BBS2: variants seen among roughly 807,000 people sequenced by gnomAD.
The protein encoded by BBS2 is BBSome complex member BBS2.
A neutral mutation model predicts 83.0 loss-of-function variants in BBS2; 62 were observed. The observed-to-expected ratio is 0.75, with a 90% CI of 0.61 to 0.92. The LOEUF (loss-of-function observed/expected upper bound fraction) is 0.92, where lower values mean the gene tolerates loss of function less well. Ranked by LOEUF, BBS2 falls within the 40% of genes least tolerant of loss-of-function variation. BBS2 has a pLI of 0.00. For synonymous variants in BBS2, 303 were observed against 326.1 expected (o/e 0.93, Z 0.76); for missense variants, 784 against 901.0 (o/e 0.87, Z 1.66).
At chr16:56,504,934 G>A (rs76389504) in intron 7 of BBS2, among the ~76,000 whole-genome samples, 1 of 152,166 alleles carries the variant, frequency 6.6e-6, no homozygotes, top group African/African-American at 2.4e-5. Context: ...CAGGATTAGT[G>A]CCCTATAAAA....
In BBS2 at chr16:56,476,185, T is replaced by G. The variant is rs746080062; in HGVS notation, c.*1-5490A>C. 6 of 1,612,004 alleles carry G rather than the reference T, an allele frequency of 3.7e-6. No individual in the cohort carries two copies. The African/African-American group carries it at 5.3e-5, about 14-fold the overall frequency. On this transcript the variant is annotated intron_variant, in intron 17 of 17. Coordinates refer to the BBS2 transcript ENST00000682047. ...AAACAGAACAGGTTTCTGGGACTTT[T>G]CATTCATCTATTATGAATGACAGCA...
At chr16:56,518,113 A>C (rs1317328666) in intron 1 of BBS2, among the ~76,000 whole-genome samples, 2 of 152,090 alleles carry the variant, frequency 1.3e-5, no homozygotes, top group Non-Finnish European at 2.9e-5. Context: ...CACTGCACCC[A>C]GCCTGTCAGT....
Position 56,506,042 on chromosome 16 carries a change from AAAGAAT to A in BBS2, c.718-12_718-7del. ...CTCATGGCATGATTTTTCGACTGAAAAAGAATTTTAATAATTAGCACAGAAGTCTCA... is the reference window on the plus strand; with the variant it reads ...CTCATGGCATGATTTTTCGACTGAAATTTAATAATTAGCACAGAAGTCTCA... On this transcript the variant is annotated splice_region_variant and splice_polypyrimidine_tract_variant and intron_variant, in intron 6 of 16. Transcript: ENST00000245157. 2 of 1,613,728 alleles carry A rather than the reference AAAGAAT, an allele frequency of 1.2e-6. No homozygotes were observed. Among genetic ancestry groups the A allele is most frequent in the Non-Finnish European group, 1.7e-6 (2 of 1,179,636 alleles).
At chr16:56,475,324 C>G (rs1963408658) in intron 17 of BBS2, among the ~76,000 whole-genome samples, 2 of 152,174 alleles carry the variant, frequency 1.3e-5, no homozygotes, top group African/African-American at 2.4e-5. Context: ...GGAAATTAGG[C>G]ATTTAGGGGA....
chr16:56,515,553 A>C (rs1176877803), intron 1 of BBS2, among the ~76,000 whole-genome samples: 9 of 152,224 alleles, frequency 5.9e-5, no homozygotes, highest in Admixed American at 3.9e-4. Flanking sequence ...GAGGATGAAA[A>C]ACACTGGACT....
chr16:56,497,184 C>T, intron 14 of BBS2, 105 bp from the exon 15 acceptor site: 1 of 813,994 alleles, frequency 1.2e-6, no homozygotes, highest in South Asian at 1.4e-5. Flanking sequence ...CCTTCTTTCC[C>T]CTGTTCGCTT....
In BBS2 at chr16:56,509,963, T is replaced by C; in HGVS notation, c.606A>G (p.Glu202=). 6.2e-7 allele frequency: 1 copy of C among 1,614,086 alleles called. No homozygotes were observed. The highest frequency in any genetic ancestry group is 8.5e-7 in the Non-Finnish European group (1 of 1,179,974). The change falls in exon 5 of 17, where the codon GAA becomes GAG. Residue 202 remains glutamate, a synonymous_variant. Coordinates refer to ENST00000245157, the MANE Select transcript of BBS2 (RefSeq NM_031885.5). ...TCGAGGTGGAGCTTCTTACCTCTGTTTCTGTCATTTCTGCCACAATCTCAT... is the reference window on the plus strand; with the variant it reads ...TCGAGGTGGAGCTTCTTACCTCTGTCTCTGTCATTTCTGCCACAATCTCAT... ...KEDEIVAEMT[E]TEIVTSLCPM... is the part of the protein sequence containing the mutation.
chr16:56,512,055 G>A (rs913352724), intron 2 of BBS2, among the ~76,000 whole-genome samples: 3 of 152,038 alleles, frequency 2.0e-5, no homozygotes, highest in Non-Finnish European at 2.9e-5. Context: ...GACACTTCAC[G>A]GAAGACACAT....
chr16:56,509,861 G>A (rs1008791500), intron 5 of BBS2, 96 bp downstream of exon 5: 1 of 1,315,664 alleles, frequency 7.6e-7, no homozygotes, highest in Non-Finnish European at 1.1e-6. Context: ...AACCACCTGG[G>A]TTTGGAGATG....
intron 12 of BBS2, chr16:56,499,506 C>CAGGAAATACT: frequency 2.5e-6 from 1 of 395,794 alleles, no homozygotes; most frequent in Non-Finnish European, 4.8e-6. Flanking sequence ...CCAGGACAAC[C>CAGGAAATACT]ACACTAAGAC....
chr16:56,519,226 G>A (rs536116057), intron 1 of BBS2, among the ~76,000 whole-genome samples: 1 of 151,526 alleles, frequency 6.6e-6, no homozygotes, highest in Non-Finnish European at 1.5e-5. Context: ...AGATACTCGG[G>A]AGGCTGAGGC....
chr16:56,516,417 G>C (rs1246844169), intron 1 of BBS2, among the ~76,000 whole-genome samples: 1 of 152,144 alleles, frequency 6.6e-6, no homozygotes, highest in Non-Finnish European at 1.5e-5. Flanking sequence ...TGTTTTTTGA[G>C]ACGGAGTCTT....
At chr16:56,481,220 T>C (rs1444384357), downstream of BBS2, among the ~76,000 whole-genome samples, 1 of 152,094 alleles carries the variant, frequency 6.6e-6, no homozygotes, top group East Asian at 1.9e-4. Context: ...CTTTGATTTC[T>C]GAAGCTGCTG....
intron 1 of BBS2, 71 bp downstream of exon 1, chr16:56,519,675 C>G (rs1323579266): frequency 7.6e-7 from 1 of 1,313,134 alleles, no homozygotes; most frequent in Non-Finnish European, 1.1e-6. Context: ...GGGACGGGAT[C>G]CCAGGGGCGC....
At chr16:56,475,690 T>C in intron 17 of BBS2, 1 of 758,776 alleles carries the variant, frequency 1.3e-6, no homozygotes, top group Non-Finnish European at 2.2e-6. Flanking sequence ...AGGCAATGGT[T>C]CTAATTTCTA....
intron 17 of BBS2, chr16:56,476,140 G>A: frequency 1.2e-6 from 2 of 1,613,796 alleles, no homozygotes; most frequent in East Asian, 2.2e-5. Flanking sequence ...CCGAAGCCTG[G>A]AACAAAAGAA....
chr16:56,471,953 C>CTGTT (rs35730390), intron 17 of BBS2, among the ~76,000 whole-genome samples: 33,987 of 151,432 alleles, frequency 0.22, 4,230 homozygotes, highest in African/African-American at 0.34. Context: ...TTATCCACTT[C>CTGTT]TGTTTGTTTG....
intron 4 of BBS2, among the ~76,000 whole-genome samples, 192 bp from the exon 5 acceptor site, chr16:56,510,226 G>A (rs1964538903): frequency 6.6e-6 from 1 of 152,150 alleles, no homozygotes; most frequent in African/African-American, 2.4e-5. Flanking sequence ...TGAAGGAACA[G>A]GGGCTACTGC....
Position 56,511,265 on chromosome 16 carries a change from G to T in BBS2, c.365C>A (p.Ala122Glu). The change falls in exon 3 of 17, where the codon GCA (alanine) becomes GAA (glutamate). Residue 122 changes from alanine (A) to glutamate (E), a missense_variant. Transcript: ENST00000245157. ...FYREVADGAN[A>E]IVLGTLGDIS... ...GTCTCCCAATGTCCCCAGCACAATT[G>T]CATTTGCCCCATCTGCTACCTAAGA... 6.2e-7 allele frequency: 1 copy of T among 1,613,970 alleles called. No homozygotes were observed. The highest frequency in any genetic ancestry group is 8.5e-7 in the Non-Finnish European group (1 of 1,179,956).
Sources: allele counts gnomAD v4.1 joint callset (sites outside exome capture counted in the v4.1 genomes callset), GRCh38; gene constraint gnomAD v4.1.1; transcripts MANE v1.5; gene names NCBI Gene and HGNC (gene_info 2026-07-23, HGNC 2026-07-21).